The following CNTNAP2 variants were observed in gnomAD, a reference collection of about 807,000 sequenced individuals.
The protein encoded by CNTNAP2 is contactin-associated protein-like 2.
In CNTNAP2, 98 loss-of-function variants were observed where a neutral mutation model predicts 155.2. The observed-to-expected ratio is 0.63, with a 90% CI of 0.54 to 0.75. The LOEUF is 0.75. Ranked by LOEUF, CNTNAP2 falls within the 30% of genes least tolerant of loss-of-function variation. CNTNAP2 has a pLI of 0.00. For synonymous variants in CNTNAP2, 651 were observed against 631.2 expected, an observed-to-expected ratio of 1.03 and a Z score of -0.47; for missense variants, 1,727 against 1,688.1, an observed-to-expected ratio of 1.02 and a Z score of -0.40.
At chr7:146,851,907 A>C (rs1201925477) in intron 3 of CNTNAP2, among the ~76,000 whole-genome samples, 1 of 151,634 alleles carries the variant, frequency 6.6e-6, no homozygotes. Flanking sequence ...GTGGGTCTTG[A>C]ACTCCTGAGC....
At chr7:148,034,842 CA>C (rs1472656489) in intron 15 of CNTNAP2, among the ~76,000 whole-genome samples, 1 of 152,088 alleles carries the variant, frequency 6.6e-6, no homozygotes, top group Non-Finnish European at 1.5e-5. Flanking sequence ...TTGTTGTGAT[CA>C]GAATGTTGGT....
intron 1 of CNTNAP2, among the ~76,000 whole-genome samples, chr7:146,701,133 A>C (rs995300270): frequency 8.5e-5 from 13 of 152,218 alleles, no homozygotes; most frequent in African/African-American, 3.1e-4. Context: ...AAATAAAACC[A>C]ACTGCTTATC....
At chr7:146,323,041 T>G (rs984678912) in intron 1 of CNTNAP2, among the ~76,000 whole-genome samples, 1 of 152,196 alleles carries the variant, frequency 6.6e-6, no homozygotes, top group East Asian at 1.9e-4. Context: ...AATGTCTTAT[T>G]TCTAATGTGT....
In CNTNAP2 at chr7:146,921,834, C is replaced by G. The variant is rs142887290; in HGVS notation, c.402+81930C>G. On this transcript the variant is annotated intron_variant, in intron 3 of 23. Coordinates refer to ENST00000361727, the MANE Select transcript of CNTNAP2 (RefSeq NM_014141.6). Reference sequence around the variant, plus strand: ...TCAGGTAGCAGATGGAAACTGAACACGAAGACATAGTACTGTGCCTGAAAT... The same window carrying G: ...TCAGGTAGCAGATGGAAACTGAACAGGAAGACATAGTACTGTGCCTGAAAT... Among the ~76,000 whole-genome samples, 4 of 152,076 alleles carry G rather than the reference C, an allele frequency of 2.6e-5. No individual in the cohort carries two copies. In the East Asian group the frequency reaches 7.7e-4, roughly 29 times the overall value.
intron 17 of CNTNAP2, among the ~76,000 whole-genome samples, chr7:148,149,328 C>T (rs1805252794): frequency 1.3e-5 from 2 of 151,728 alleles, no homozygotes; most frequent in African/African-American, 4.9e-5. Context: ...AGAAGGTGAC[C>T]CAATAATAAC....
At chr7:147,016,518 G>T (rs1249003368) in intron 3 of CNTNAP2, among the ~76,000 whole-genome samples, 1 of 151,874 alleles carries the variant, frequency 6.6e-6, no homozygotes, top group Non-Finnish European at 1.5e-5. Context: ...TTTTCTCAGG[G>T]CCTCTTAATA....
chr7:146,636,550 T>C (rs989214978), intron 1 of CNTNAP2, among the ~76,000 whole-genome samples: 5 of 152,230 alleles, frequency 3.3e-5, no homozygotes, highest in African/African-American at 1.2e-4. Flanking sequence ...TTAGCAACTT[T>C]GTACTAGCAA....
intron 3 of CNTNAP2, among the ~76,000 whole-genome samples, chr7:146,897,645 CT>C (rs36070227): frequency 6.6e-6 from 1 of 151,718 alleles, no homozygotes; most frequent in Non-Finnish European, 1.5e-5. Flanking sequence ...GAGAGCTAAA[CT>C]TTTCCCTTAC....
intron 4 of CNTNAP2, among the ~76,000 whole-genome samples, chr7:147,064,714 G>A (rs10227296): frequency 1.6e-4 from 24 of 151,906 alleles, no homozygotes; most frequent in Non-Finnish European, 2.9e-4. Context: ...CTTAAATAAA[G>A]AATAATAAAG....
At chr7:146,632,887 A>G (rs1333786245) in intron 1 of CNTNAP2, among the ~76,000 whole-genome samples, 3 of 152,020 alleles carry the variant, frequency 2.0e-5, no homozygotes, top group Non-Finnish European at 1.5e-5. Context: ...TGGCTGAGCT[A>G]ATTTGTAAAT....
chr7:148,399,433 A>C (rs1799538339), intron 22 of CNTNAP2, among the ~76,000 whole-genome samples: 1 of 152,142 alleles, frequency 6.6e-6, no homozygotes, highest in Non-Finnish European at 1.5e-5. Flanking sequence ...AAAATTTTAA[A>C]ATGCATCTGT....
chr7:147,346,151 T>TA (rs1563168753), intron 9 of CNTNAP2, among the ~76,000 whole-genome samples: 6 of 45,728 alleles, frequency 1.3e-4, no homozygotes, highest in African/African-American at 1.1e-3. Flanking sequence ...TTATTTTATT[T>TA]TATTTTTTTT....
chr7:146,441,632 T>C (rs1482489565), intron 1 of CNTNAP2, among the ~76,000 whole-genome samples: 2 of 151,408 alleles, frequency 1.3e-5, no homozygotes, highest in African/African-American at 4.9e-5. Context: ...CTGAGGAAGG[T>C]CCTCTTTGCT....
chr7:147,036,531 G>A (rs554014664), intron 3 of CNTNAP2, among the ~76,000 whole-genome samples: 1 of 152,210 alleles, frequency 6.6e-6, no homozygotes, highest in South Asian at 2.1e-4. Flanking sequence ...AGCTTTGTGA[G>A]ATACATATAT....
At chr7:147,838,867 G>C (rs1436083391) in intron 13 of CNTNAP2, among the ~76,000 whole-genome samples, 2 of 152,022 alleles carry the variant, frequency 1.3e-5, no homozygotes, top group Non-Finnish European at 2.9e-5. Flanking sequence ...TTTCAGTAGG[G>C]CTCCACTCTA....
rs1459696485 is a variant in CNTNAP2, at chr7:146,585,743, AGAAAGAAG to A, written c.98-188520_98-188513del. On this transcript the variant is annotated intron_variant, in intron 1 of 23. Coordinates refer to ENST00000361727, the MANE Select transcript of CNTNAP2 (RefSeq NM_014141.6). Reference sequence around the variant, plus strand: ...GGAAAGAAAGAAGAAAGAAAGAAAAAGAAAGAAGGAAAGAAAGAAAGGAAAGAAAGAAA... The same window carrying A: ...GGAAAGAAAGAAGAAAGAAAGAAAAAGAAAGAAAGAAAGGAAAGAAAGAAA... Among the ~76,000 whole-genome samples, 357 of 148,832 alleles carry A rather than the reference AGAAAGAAG, an allele frequency of 2.4e-3. 1 individual carries two copies. The highest frequency in any genetic ancestry group is 8.4e-3 in the African/African-American group (324 of 38,576).
rs571873843 is a variant in CNTNAP2, at chr7:147,004,846, G to A, written c.403-39061G>A. 3.9e-5 allele frequency among the ~76,000 whole-genome samples: 6 copies of A among 152,052 alleles called. No individual in the cohort carries two copies. The South Asian group carries it at 8.3e-4, about 21-fold the overall frequency. ...TAGCTAGTTTTGCTTGTGTTAAAAC[G>A]AATCAACTAGATAATATGGAATATA... is the stretch of plus-strand genomic sequence containing the variant. On this transcript the variant is annotated intron_variant, in intron 3 of 23. Transcript: ENST00000361727.
At chr7:147,383,810 T>G (rs1472841520) in intron 9 of CNTNAP2, among the ~76,000 whole-genome samples, 1 of 151,700 alleles carries the variant, frequency 6.6e-6, no homozygotes, top group Non-Finnish European at 1.5e-5. Context: ...TATGAATCAT[T>G]GATTCATAAA....
chr7:147,627,482 G>A (rs1348924821), intron 12 of CNTNAP2, among the ~76,000 whole-genome samples: 1 of 151,970 alleles, frequency 6.6e-6, no homozygotes, highest in African/African-American at 2.4e-5. Flanking sequence ...TGGATCATGA[G>A]GTCAGGAGTT....
Sources: allele counts gnomAD v4.1 joint callset (sites outside exome capture counted in the v4.1 genomes callset), GRCh38; gene constraint gnomAD v4.1.1; transcripts MANE v1.5; gene names NCBI Gene and HGNC (gene_info 2026-07-23, HGNC 2026-07-21).